The following ARMH3 variants were observed in gnomAD, a reference collection of about 807,000 sequenced individuals.
The protein encoded by ARMH3 is armadillo like helical domain containing 3.
ARMH3 carries 60 observed loss-of-function variants against 99.1 expected under a neutral mutation model. The ratio of observed to expected loss-of-function variants is 0.61; its 90% CI spans 0.49 to 0.75. ARMH3 has a LOEUF of 0.75. Ranked by LOEUF, ARMH3 falls within the 30% of genes least tolerant of loss-of-function variation. The pLI is 0.00. For synonymous variants in ARMH3, 285 were observed against 292.8 expected, an observed-to-expected ratio of 0.97 and a Z score of 0.27; for missense variants, 679 against 843.1, an observed-to-expected ratio of 0.81 and a Z score of 2.41.
At chr10:101,854,392 CA>C (rs899450397) in intron 24 of ARMH3, among the ~76,000 whole-genome samples, 1 of 152,148 alleles carries the variant, frequency 6.6e-6, no homozygotes, top group Non-Finnish European at 1.5e-5. Flanking sequence ...TCCTATGACT[CA>C]AAAGTAACTA....
chr10:101,935,240 G>C (rs1422453727), intron 23 of ARMH3, among the ~76,000 whole-genome samples: 1 of 146,378 alleles, frequency 6.8e-6, no homozygotes, highest in African/African-American at 2.5e-5. Flanking sequence ...CTCTCCTATA[G>C]AGAAGAAAAC....
At chr10:101,991,536 ACGAC>A in intron 18 of ARMH3, among the ~76,000 whole-genome samples, 1 of 152,124 alleles carries the variant, frequency 6.6e-6, no homozygotes, top group East Asian at 1.9e-4. Context: ...GCACGCCAAC[ACGAC>A]CAGCTAATTT....
intron 13 of ARMH3, among the ~76,000 whole-genome samples, chr10:102,008,373 A>G (rs1440234470): frequency 6.6e-6 from 1 of 152,192 alleles, no homozygotes; most frequent in Non-Finnish European, 1.5e-5. Context: ...CTTTAAGATA[A>G]TAACACTTTA....
chr10:102,002,801 A>C (rs2066392878), intron 14 of ARMH3, among the ~76,000 whole-genome samples: 1 of 151,618 alleles, frequency 6.6e-6, no homozygotes, highest in Non-Finnish European at 1.5e-5. Flanking sequence ...TCTCTACTAA[A>C]AATACAAAAA....
intron 1 of ARMH3, among the ~76,000 whole-genome samples, chr10:102,054,901 G>C (rs2067800603): frequency 6.6e-6 from 1 of 151,602 alleles, no homozygotes; most frequent in African/African-American, 2.4e-5. Context: ...GGGGCTGACG[G>C]GGAAGAATCG....
intron 22 of ARMH3, among the ~76,000 whole-genome samples, chr10:101,948,771 T>G (rs1166434112): frequency 6.6e-6 from 1 of 151,294 alleles, no homozygotes; most frequent in East Asian, 1.9e-4. Flanking sequence ...TACAGAACAC[T>G]CCACCCACCA....
chr10:101,974,168 T>C (rs1424631842), intron 20 of ARMH3, among the ~76,000 whole-genome samples: 1 of 152,196 alleles, frequency 6.6e-6, no homozygotes, highest in African/African-American at 2.4e-5. Flanking sequence ...TTTACCACCA[T>C]AGGCAGTAAC....
At chr10:101,966,636 C>G (rs1162408582) in intron 20 of ARMH3, among the ~76,000 whole-genome samples, 1 of 152,116 alleles carries the variant, frequency 6.6e-6, no homozygotes, top group Non-Finnish European at 1.5e-5. Flanking sequence ...AACACACACC[C>G]CACAAGGAAC....
At chr10:102,002,152 C>T in intron 14 of ARMH3, 80 bp from the exon 15 acceptor site, 6 of 1,568,068 alleles carry the variant, frequency 3.8e-6, no homozygotes, top group Admixed American at 1.9e-5. Flanking sequence ...AATTTGCCAG[C>T]AGGCAAAAAA....
intron 10 of ARMH3, 24 bp from the exon 11 acceptor site, chr10:102,011,807 A>T (rs754627711): frequency 7.6e-6 from 12 of 1,574,364 alleles, no homozygotes; most frequent in Middle Eastern, 1.7e-4. Flanking sequence ...ACTAAATTCA[A>T]CTTTAGGATT....
chr10:101,932,054 C>A (rs1843743391), intron 23 of ARMH3, among the ~76,000 whole-genome samples: 1 of 152,068 alleles, frequency 6.6e-6, no homozygotes, highest in African/African-American at 2.4e-5. Context: ...TAAAACTCAA[C>A]AACAAAACAC....
intron 23 of ARMH3, among the ~76,000 whole-genome samples, chr10:101,939,246 A>G (rs1288934664): frequency 6.6e-6 from 1 of 152,226 alleles, no homozygotes; most frequent in East Asian, 1.9e-4. Context: ...GAACAGAAGA[A>G]AAGTCGAATT....
At chr10:102,008,359 C>G (rs146097270) in intron 13 of ARMH3, among the ~76,000 whole-genome samples, 118 of 152,258 alleles carry the variant, frequency 7.7e-4, no homozygotes, top group Middle Eastern at 3.4e-3. Context: ...TTTAAACAGT[C>G]TGGCTTTAAG....
At chr10:101,934,218 A>G (rs546898709) in intron 23 of ARMH3, among the ~76,000 whole-genome samples, 1 of 151,960 alleles carries the variant, frequency 6.6e-6, no homozygotes, top group South Asian at 2.1e-4. Context: ...ACACTTAACC[A>G]TGTGTGTGTG....
chr10:101,988,036 A>G (rs1487673254), intron 19 of ARMH3, among the ~76,000 whole-genome samples: 1 of 152,250 alleles, frequency 6.6e-6, no homozygotes, highest in Non-Finnish European at 1.5e-5. Flanking sequence ...GCCCTATGCC[A>G]AAACTATCCA....
intron 20 of ARMH3, among the ~76,000 whole-genome samples, chr10:101,965,826 C>T (rs974935761): frequency 2.6e-5 from 4 of 152,202 alleles, no homozygotes; most frequent in African/African-American, 7.2e-5. Flanking sequence ...TACAACTGCT[C>T]TCTTTTGACT....
At chr10:102,053,152 T>C (rs2067747742) in intron 1 of ARMH3, among the ~76,000 whole-genome samples, 1 of 149,330 alleles carries the variant, frequency 6.7e-6, no homozygotes, top group Admixed American at 6.7e-5. Flanking sequence ...CACTGCCTCA[T>C]TCTTCATTAC....
chr10:101,985,656 G>A (rs1846464698), intron 19 of ARMH3, among the ~76,000 whole-genome samples: 1 of 152,056 alleles, frequency 6.6e-6, no homozygotes, highest in African/African-American at 2.4e-5. Flanking sequence ...CCAAGTTAGA[G>A]TGAGCCATAA....
intron 14 of ARMH3, among the ~76,000 whole-genome samples, chr10:102,003,270 C>A (rs1428429558): frequency 6.6e-6 from 1 of 152,058 alleles, no homozygotes; most frequent in East Asian, 1.9e-4. Flanking sequence ...TCAAGCAATT[C>A]TCCTGCCTCC....
Sources: allele counts gnomAD v4.1 joint callset (sites outside exome capture counted in the v4.1 genomes callset), GRCh38; gene constraint gnomAD v4.1.1; transcripts MANE v1.5; gene names NCBI Gene and HGNC (gene_info 2026-07-23, HGNC 2026-07-21).